ADAMTS17: variants seen among roughly 807,000 people sequenced by gnomAD.
The protein encoded by ADAMTS17 is ADAM metallopeptidase with thrombospondin type 1 motif 17, also known as A disintegrin and metalloproteinase with thrombospondin motifs 17.
ADAMTS17 carries 113 observed loss-of-function variants against 141.5 expected under a neutral mutation model. The ratio of observed to expected loss-of-function variants is 0.80; its 90% CI spans 0.69 to 0.93. The LOEUF is 0.93. Ranked by LOEUF, ADAMTS17 falls within the 40% of genes least tolerant of loss-of-function variation. ADAMTS17 has a pLI of 0.00. For missense variants in ADAMTS17, 1,659 were observed against 1,517.9 expected, an observed-to-expected ratio of 1.09 and a Z score of -1.54; for synonymous variants, 768 against 630.6, an observed-to-expected ratio of 1.22 and a Z score of -3.27.
intron 7 of ADAMTS17, among the ~76,000 whole-genome samples, chr15:100,244,244 C>T (rs1258711313): frequency 6.6e-6 from 1 of 151,666 alleles, no homozygotes; most frequent in Non-Finnish European, 1.5e-5. Context: ...CCACCAGGTC[C>T]CTCCCATGAC....
intron 8 of ADAMTS17, among the ~76,000 whole-genome samples, chr15:100,159,284 C>G (rs1306027001): frequency 1.3e-5 from 2 of 152,158 alleles, no homozygotes; most frequent in African/African-American, 4.8e-5. Flanking sequence ...ATTATTCAGT[C>G]TTAAAAAAAG....
chr15:100,109,821 C>T (rs886511171), intron 13 of ADAMTS17, among the ~76,000 whole-genome samples: 43 of 152,072 alleles, frequency 2.8e-4, no homozygotes, highest in East Asian at 3.9e-4. Flanking sequence ...GGAAATCCCT[C>T]GCAGCACTTT....
In ADAMTS17 at chr15:100,330,531, G is replaced by C. The variant is rs552725426; in HGVS notation, c.616+358C>G. ...GCTTTAGTTACTGCGGCCAGAACTC[G>C]GGAGCACTGTATTATTAAGAGTGAG... On this transcript the variant is annotated intron_variant, in intron 3 of 21. Transcript: ENST00000268070. Among the ~76,000 whole-genome samples the C allele has an allele frequency of 6.6e-5, 10 of 152,232 alleles. No homozygotes were observed. The South Asian group carries it at 1.9e-3, about 28-fold the overall frequency.
In ADAMTS17 at chr15:99,974,195, C is replaced by T. The variant is rs1354619389; in HGVS notation, c.*207G>A. 4.6e-5 allele frequency: 29 copies of T among 628,942 alleles called. No homozygotes were observed. The highest frequency in any genetic ancestry group is 1.4e-5 in the Non-Finnish European group (5 of 361,774). 39.0% of individuals were successfully genotyped at this position (628,942 alleles called of 1,614,324 possible). ...TTACTTTGTGACTCATGCCTACTTT[C>T]TCCTCACTGTAGAAAGCCAGCCAGT... On this transcript the variant is annotated 3_prime_UTR_variant, in exon 22 of 22. Transcript: ENST00000268070.
At chr15:100,238,237 G>A (rs2042718338) in intron 7 of ADAMTS17, among the ~76,000 whole-genome samples, 3 of 152,226 alleles carry the variant, frequency 2.0e-5, no homozygotes, top group Non-Finnish European at 2.9e-5. Context: ...GCCACTCCAG[G>A]TAAAATTTCA....
At position 100,132,016 on chromosome 15, in the gene ADAMTS17, T is replaced by A; in HGVS notation, c.1712A>T (p.Asp571Val). 6.2e-7 allele frequency: 1 copy of A among 1,614,200 alleles called. No individual in the cohort carries two copies. The highest frequency in any genetic ancestry group is 8.5e-7 in the Non-Finnish European group (1 of 1,180,038). The stretch of plus-strand genomic sequence containing the variant: ...TGGTCAGGGGACTTACGGGGGGTTG[T>A]CACATTTCCTCTGCCTGAAGCGGGC... ...TGARFRQRKC[D>V]NPPPGPGGTH... Residue 571 changes from aspartate to valine, a missense_variant, in exon 12 of 22, where the codon GAC becomes GTC. Coordinates refer to ENST00000268070, the MANE Select transcript of ADAMTS17 (RefSeq NM_139057.4).
At chr15:100,075,741 T>C (rs190697534) in intron 15 of ADAMTS17, among the ~76,000 whole-genome samples, 40 of 152,220 alleles carry the variant, frequency 2.6e-4, no homozygotes, top group East Asian at 3.8e-4. Flanking sequence ...TCAAAGTATA[T>C]ACATTTGTCT....
rs182554816 is a variant in ADAMTS17 at position 100,194,999 on chromosome 15, T to G, written c.1181+4319A>C. 1.2e-3 allele frequency among the ~76,000 whole-genome samples: 178 copies of G among 152,360 alleles called. 2 individuals are homozygous for G. Among genetic ancestry groups the G allele is most frequent in the African/African-American group, 3.5e-3 (144 of 41,596 alleles). ...TACGGTGCATTTCTCAAGCTACCGC[T>G]ATGGAAAGGGACACAGCTGCCTTCC... On this transcript the variant is annotated intron_variant, in intron 8 of 21. Transcript: ENST00000268070.
intron 3 of ADAMTS17, among the ~76,000 whole-genome samples, chr15:100,303,912 C>T (rs977255431): frequency 2.6e-5 from 4 of 152,048 alleles, no homozygotes; most frequent in African/African-American, 4.8e-5. Flanking sequence ...TTAGTAGAGA[C>T]GGCGTTTCGC....
In ADAMTS17 at chr15:100,133,290, C is replaced by T. The variant is rs1276012105; in HGVS notation, c.1499G>A (p.Cys500Tyr). ...MEHLMCAGLW[C>Y]LVEGDTSCKT... ...GCAGGATGTGTCTCCTTCTACCAGG[C>T]ACCACAGTCCAGCACACATTAGATG... The change falls in exon 11 of 22, where the codon TGC becomes TAC. Residue 500 changes from cysteine to tyrosine, a missense_variant. Coordinates refer to ENST00000268070, the MANE Select transcript of ADAMTS17 (RefSeq NM_139057.4). The T allele has an allele frequency of 2.5e-6, 4 of 1,592,908 alleles. No homozygotes were observed. Among genetic ancestry groups the T allele is most frequent in the Non-Finnish European group, 3.4e-6 (4 of 1,167,588 alleles).
chr15:100,042,067 T>C (rs2031304634), intron 18 of ADAMTS17, among the ~76,000 whole-genome samples: 1 of 152,200 alleles, frequency 6.6e-6, no homozygotes, highest in Non-Finnish European at 1.5e-5. Flanking sequence ...CCTCCACTCA[T>C]GCCACCCCAT....
intron 12 of ADAMTS17, among the ~76,000 whole-genome samples, chr15:100,122,817 TGAGA>T (rs1216432321): frequency 1.3e-5 from 2 of 152,060 alleles, no homozygotes; most frequent in African/African-American, 4.8e-5. Context: ...TTGAGTTGGC[TGAGA>T]AAGAGGAGGA....
intron 15 of ADAMTS17, among the ~76,000 whole-genome samples, chr15:100,084,854 A>G (rs555692132): frequency 3.3e-5 from 5 of 152,334 alleles, no homozygotes; most frequent in Non-Finnish European, 4.4e-5. Context: ...CATCACCATC[A>G]TCAAAGACCA....
At chr15:100,232,846 TC>T (rs1269929305) in intron 7 of ADAMTS17, among the ~76,000 whole-genome samples, 2 of 151,936 alleles carry the variant, frequency 1.3e-5, no homozygotes, top group African/African-American at 4.8e-5. Context: ...GCGGCGCAGA[TC>T]GATTCCACTG....
intron 14 of ADAMTS17, among the ~76,000 whole-genome samples, chr15:100,103,886 T>C (rs1038495970): frequency 3.9e-5 from 6 of 152,168 alleles, no homozygotes; most frequent in African/African-American, 1.2e-4. Context: ...CTTCTTTCAA[T>C]ATGCAATCAA....
At chr15:100,186,624 C>T (rs1404563584) in intron 8 of ADAMTS17, among the ~76,000 whole-genome samples, 2 of 152,240 alleles carry the variant, frequency 1.3e-5, no homozygotes, top group African/African-American at 4.8e-5. Flanking sequence ...CTCAGGTAGA[C>T]ATTCCTCTAC....
At chr15:100,206,245 C>T (rs926143965) in intron 7 of ADAMTS17, among the ~76,000 whole-genome samples, 4 of 152,214 alleles carry the variant, frequency 2.6e-5, no homozygotes, top group Admixed American at 6.5e-5. Context: ...ATTCAGGAAA[C>T]ACCATGCCCT....
At chr15:100,205,068 C>G (rs1320782934) in intron 7 of ADAMTS17, among the ~76,000 whole-genome samples, 1 of 152,164 alleles carries the variant, frequency 6.6e-6, no homozygotes, top group African/African-American at 2.4e-5. Context: ...GCTACATATT[C>G]TTGGCCTTGC....
chr15:100,065,991 TTG>T (rs1281740431), intron 15 of ADAMTS17, among the ~76,000 whole-genome samples: 2 of 152,222 alleles, frequency 1.3e-5, no homozygotes, highest in Non-Finnish European at 2.9e-5. Flanking sequence ...TTTTCTGTTT[TTG>T]TGTTAGTTTG....
Sources: gnomAD v4.1 joint callset for allele counts (sites outside exome capture counted in the v4.1 genomes callset) on GRCh38, gnomAD v4.1.1 for gene constraint, MANE v1.5 for transcripts, NCBI Gene and HGNC (gene_info 2026-07-23, HGNC 2026-07-21) for gene names.